GDA: variants seen among roughly 807,000 people sequenced by gnomAD.
GDA encodes the protein guanine deaminase, also known as cytoplasmic PSD-95 interactor.
In GDA, 18 loss-of-function variants were observed where a neutral mutation model predicts 59.6. The observed-to-expected ratio is 0.30, with a 90% CI of 0.21 to 0.45. The LOEUF (loss-of-function observed/expected upper bound fraction) is 0.45. GDA is among the 20% of genes least tolerant of loss of function. The pLI is 1.00. For missense variants in GDA, 427 were observed against 552.3 expected, an observed-to-expected ratio of 0.77 and a Z score of 2.27; for synonymous variants, 201 against 201.1, an observed-to-expected ratio of 1.00 and a Z score of 0.00.
intron 2 of GDA, among the ~76,000 whole-genome samples, chr9:72,195,912 G>C (rs991011058): frequency 6.6e-6 from 1 of 152,002 alleles, no homozygotes; most frequent in South Asian, 2.1e-4. Context: ...AGTCCATGGA[G>C]GACAAAGACA....
At chr9:72,238,767 ATCT>A (rs1170184629) in intron 10 of GDA, among the ~76,000 whole-genome samples, 3 of 152,122 alleles carry the variant, frequency 2.0e-5, no homozygotes, top group Non-Finnish European at 2.9e-5. Flanking sequence ...AAGGGGGCAG[ATCT>A]TCTGAGAAAA....
At chr9:72,231,853 A>G (rs780696551) in intron 10 of GDA, among the ~76,000 whole-genome samples, 26 of 152,248 alleles carry the variant, frequency 1.7e-4, no homozygotes, top group Admixed American at 2.0e-4. Flanking sequence ...CACAGATTCA[A>G]TCTATGACAG....
At chr9:72,177,895 G>C (rs1447275882) in intron 1 of GDA, among the ~76,000 whole-genome samples, 1 of 152,196 alleles carries the variant, frequency 6.6e-6, no homozygotes, top group Admixed American at 6.6e-5. Flanking sequence ...CTCTGACAGT[G>C]GCAGTGACCA....
chr9:72,200,107 C>T (rs569817417), intron 2 of GDA, among the ~76,000 whole-genome samples: 3 of 151,130 alleles, frequency 2.0e-5, no homozygotes, highest in Admixed American at 6.6e-5. Flanking sequence ...ACGCCATTCT[C>T]CTGCCTCAGC....
At chr9:72,135,233 T>A (rs11143127) in intron 1 of GDA, among the ~76,000 whole-genome samples, 23,934 of 152,036 alleles carry the variant, frequency 0.16, 2,505 homozygotes, top group East Asian at 0.52. Context: ...TGTGTGTGTG[T>A]GTGTGTGTGT....
chr9:72,146,029 G>A (rs991995280), upstream of GDA, among the ~76,000 whole-genome samples: 4 of 151,916 alleles, frequency 2.6e-5, no homozygotes, highest in African/African-American at 9.7e-5. Context: ...CATCTTCTTT[G>A]GGGTATAGAT....
At chr9:72,246,157 A>AT (rs1382317742) in intron 12 of GDA, among the ~76,000 whole-genome samples, 1 of 152,070 alleles carries the variant, frequency 6.6e-6, no homozygotes, top group African/African-American at 2.4e-5. Flanking sequence ...TTTAATATAA[A>AT]TTTTTTTGAG....
intron 1 of GDA, among the ~76,000 whole-genome samples, chr9:72,170,065 G>T (rs569850006): frequency 2.0e-5 from 3 of 152,272 alleles, no homozygotes; most frequent in Non-Finnish European, 2.9e-5. Flanking sequence ...ACACAATGGG[G>T]CATAAAGATT....
At chr9:72,141,448 TC>T (rs755073606) in intron 1 of GDA, among the ~76,000 whole-genome samples, 11 of 152,146 alleles carry the variant, frequency 7.2e-5, no homozygotes, top group Non-Finnish European at 1.2e-4. Context: ...TTGTGAGAAT[TC>T]CTTAGAATTT....
rs1459374982 is a variant in GDA at position 72,117,893 on chromosome 9, C to T, written c.-100+3060C>T. The stretch of plus-strand genomic sequence containing the variant: ...AAACAGTCACTGAGGTCAGCTACTC[C>T]GGGATAATTCTAGGGGTCTTTGTAC... On this transcript the variant is annotated intron_variant, in intron 1 of 13. Transcript: ENST00000545168. Among the ~76,000 whole-genome samples the T allele has an allele frequency of 7.2e-5, 11 of 152,142 alleles. No homozygotes were observed. The East Asian group carries it at 9.7e-4, about 13-fold the overall frequency.
Position 72,245,049 on chromosome 9 carries a change from T to C in GDA, c.1136-99T>C. ...GTTAAGATACTAATTTTTTTTTTTC[T>C]CCTAGCGACATGTTGGCAAAATCTG... is the stretch of plus-strand genomic sequence containing the variant. On this transcript the variant is annotated intron_variant, in intron 11 of 13. Coordinates refer to ENST00000358399, the MANE Select transcript of GDA (RefSeq NM_004293.5). The C allele has an allele frequency of 3.6e-6, 4 of 1,098,920 alleles. No individual in the cohort carries two copies. In the East Asian group the frequency reaches 9.6e-5, roughly 26 times the overall value. 68.1% of individuals were successfully genotyped at this position (1,098,920 alleles called of 1,614,324 possible).
chr9:72,145,427 T>A (rs1826592473), upstream of GDA, among the ~76,000 whole-genome samples: 1 of 152,180 alleles, frequency 6.6e-6, no homozygotes, highest in Non-Finnish European at 1.5e-5. Context: ...AGTTTCCCCA[T>A]CTGTGGAATG....
downstream of GDA, among the ~76,000 whole-genome samples, chr9:72,254,363 G>T (rs116664906): frequency 5.6e-3 from 859 of 152,076 alleles, 4 homozygotes; most frequent in African/African-American, 0.02. Context: ...CATTTTCTCT[G>T]TAGCAAAAAC....
intron 1 of GDA, among the ~76,000 whole-genome samples, chr9:72,126,566 CTTT>C (rs72370881): frequency 2.3e-3 from 310 of 133,620 alleles, no homozygotes; most frequent in Non-Finnish European, 2.4e-3. Context: ...CCTGGTTAGT[CTTT>C]TTTTTTTTTT....
At chr9:72,230,277 G>C (rs1838166430) in intron 9 of GDA, among the ~76,000 whole-genome samples, 1 of 152,096 alleles carries the variant, frequency 6.6e-6, no homozygotes, top group Non-Finnish European at 1.5e-5. Context: ...AGGATCACCT[G>C]AGGTCAAGAG....
At chr9:72,159,281 C>G (rs1441057757) in intron 1 of GDA, among the ~76,000 whole-genome samples, 1 of 152,116 alleles carries the variant, frequency 6.6e-6, no homozygotes, top group African/African-American at 2.4e-5. Context: ...GTAATCCCAG[C>G]TACTCAGGAG....
rs143065564 is a variant in GDA, at chr9:72,239,484, C to T, written c.989-1668C>T. ...GGTATTTAAGTCTTCCATATTCATA[C>T]CATCCCAACTGCATTGCTTTCATTT... On this transcript the variant is annotated intron_variant, in intron 10 of 13. Transcript: ENST00000358399. 7.3e-3 allele frequency among the ~76,000 whole-genome samples: 1,112 copies of T among 152,180 alleles called. 48 individuals are homozygous for T. The highest frequency in any genetic ancestry group is 0.066 in the Admixed American group (1,012 of 15,274).
intron 1 of GDA, among the ~76,000 whole-genome samples, chr9:72,154,786 G>A (rs1042328791): frequency 2.0e-5 from 3 of 152,180 alleles, no homozygotes; most frequent in Non-Finnish European, 2.9e-5. Flanking sequence ...CTTTACTGTC[G>A]CTGACTGCTT....
chr9:72,191,475 T>G (rs2131214479), intron 1 of GDA, among the ~76,000 whole-genome samples: 2 of 145,188 alleles, frequency 1.4e-5, no homozygotes, highest in Middle Eastern at 7.1e-3. Context: ...GGAAGGCTCT[T>G]TTTTTTTTTT....
Sources: gnomAD v4.1 joint callset for allele counts (sites outside exome capture counted in the v4.1 genomes callset) on GRCh38, gnomAD v4.1.1 for gene constraint, MANE v1.5 for transcripts, NCBI Gene and HGNC (gene_info 2026-07-23, HGNC 2026-07-21) for gene names.